The following TTC3 variants were observed in gnomAD, a reference collection of about 807,000 sequenced individuals.
TTC3 encodes the protein E3 ubiquitin-protein ligase TTC3.
In TTC3, 180 loss-of-function variants were observed where a neutral mutation model predicts 249.6. That is an observed-to-expected ratio of 0.72 (90% confidence interval 0.64 to 0.82). TTC3 has a LOEUF of 0.82. Among genes scored for constraint, TTC3 ranks in the 40% least tolerant of loss-of-function variants. The pLI, the probability that TTC3 is intolerant of heterozygous loss-of-function variation, is 0.00. For synonymous variants in TTC3, 717 were observed against 805.0 expected, an observed-to-expected ratio of 0.89 and a Z score of 1.85; for missense variants, 2,061 against 2,398.4, an observed-to-expected ratio of 0.86 and a Z score of 2.94.
In TTC3 at chr21:37,156,967, A is replaced by G. The variant is rs1341654734; in HGVS notation, c.2992+61A>G. Reference sequence around the variant, plus strand: ...ATCTTAAGGGGGAAAAAATCTGTGAAGGACCTAGCTTGTTTAAATATATAA... The same window carrying G: ...ATCTTAAGGGGGAAAAAATCTGTGAGGGACCTAGCTTGTTTAAATATATAA... On this transcript the variant is annotated intron_variant, in intron 28 of 45. Coordinates refer to ENST00000355666, the Ensembl canonical transcript of TTC3. 3 of 1,557,528 alleles carry G rather than the reference A, an allele frequency of 1.9e-6. No individual in the cohort carries two copies. In the African/African-American group the frequency reaches 4.1e-5, roughly 21 times the overall value.
chr21:37,175,111 A>AT (rs1383099167), intron 35 of TTC3, among the ~76,000 whole-genome samples: 10 of 149,824 alleles, frequency 6.7e-5, no homozygotes, highest in African/African-American at 2.5e-4. Flanking sequence ...AAAAAAAAAA[A>AT]AAATTAGCCA....
At chr21:37,182,868 A>C (rs986586393) in exon 36 of TTC3, 3 of 1,591,706 alleles carry the variant, frequency 1.9e-6, no homozygotes, top group African/African-American at 1.4e-5. Flanking sequence ...GAAAGACTAA[A>C]ATCACTGAAG....
rs886629089 is a variant in TTC3, at chr21:37,159,801, T to C, written c.3039+56T>C. 1.0e-5 allele frequency: 16 copies of C among 1,551,396 alleles called. No homozygotes were observed. In the African/African-American group the frequency reaches 1.6e-4, roughly 16 times the overall value. ...TTCTAATCTGATGTTAAACCAAGGA[T>C]GAGAAGGGGACCCAGGCCAGTGTTT... On this transcript the variant is annotated intron_variant, in intron 29 of 45. Coordinates refer to ENST00000355666, the Ensembl canonical transcript of TTC3.
intron 8 of TTC3, 78 bp downstream of exon 8, chr21:37,094,168 T>C: frequency 1.4e-6 from 1 of 714,964 alleles, no homozygotes; most frequent in South Asian, 2.6e-5. Flanking sequence ...TTAATAAAAC[T>C]GCTGACAATA....
chr21:37,159,609 T>C, intron 28 of TTC3, 90 bp from the exon 29 acceptor site: 1 of 1,377,302 alleles, frequency 7.3e-7, no homozygotes, highest in South Asian at 1.3e-5. Context: ...CCTATGCCAG[T>C]AGTATGAGGA....
At chr21:37,145,511 C>G (rs2078907275) in intron 21 of TTC3, among the ~76,000 whole-genome samples, 1 of 152,188 alleles carries the variant, frequency 6.6e-6, no homozygotes, top group Non-Finnish European at 1.5e-5. Flanking sequence ...TGGGAACATT[C>G]AGACACTGCT....
intron 12 of TTC3, 38 bp downstream of exon 12, chr21:37,122,017 TC>T: frequency 6.4e-7 from 1 of 1,558,428 alleles, no homozygotes; most frequent in Non-Finnish European, 8.7e-7. Flanking sequence ...CAGTCTTAAT[TC>T]CCTTTCAAAC....
At chr21:37,138,178 G>A (rs1010691936) in intron 18 of TTC3, among the ~76,000 whole-genome samples, 6 of 152,032 alleles carry the variant, frequency 3.9e-5, no homozygotes, top group Non-Finnish European at 4.4e-5. Context: ...CTACAGTATC[G>A]CTAAAACATA....
In TTC3 at chr21:37,085,266, T is replaced by A. The variant is rs376000955; in HGVS notation, c.-11-1981T>A. Among the ~76,000 whole-genome samples, 16 of 152,334 alleles carry A rather than the reference T, an allele frequency of 1.1e-4. No individual in the cohort carries two copies. The East Asian group carries it at 1.9e-3, about 18-fold the overall frequency. ...ATACCTCATATTATGTGCTATAGTT[T>A]GGGTGCTCCAGTATCTTATGTTTTC... On this transcript the variant is annotated intron_variant, in intron 1 of 45. Coordinates refer to ENST00000355666, the Ensembl canonical transcript of TTC3.
intron 5 of TTC3, among the ~76,000 whole-genome samples, chr21:37,089,506 T>G (rs1179081918): frequency 6.6e-6 from 1 of 151,678 alleles, no homozygotes; most frequent in African/African-American, 2.4e-5. Context: ...TTAAGTGCAA[T>G]GAACTTTATT....
At chr21:37,187,279 C>A (rs1023762340) in intron 38 of TTC3, 134 bp downstream of exon 38, 1 of 643,872 alleles carries the variant, frequency 1.6e-6, no homozygotes, top group Non-Finnish European at 2.6e-6. Context: ...CATAATATAT[C>A]CTCCCTAAAA....
chr21:37,075,166 CTT>C (rs11418024), intron 1 of TTC3, among the ~76,000 whole-genome samples: 6 of 138,282 alleles, frequency 4.3e-5, no homozygotes, highest in African/African-American at 1.1e-4. Flanking sequence ...TTGCAACTTG[CTT>C]TTTTTTTTTT....
chr21:37,152,145 A>G (rs1307092255), intron 26 of TTC3, 116 bp downstream of exon 26: 6 of 1,206,036 alleles, frequency 5.0e-6, no homozygotes, highest in Non-Finnish European at 6.7e-6. Context: ...GATTTCACTT[A>G]GTAATTTAAT....
At chr21:37,138,744 T>C in intron 19 of TTC3, 30 bp downstream of exon 19, 1 of 1,457,890 alleles carries the variant, frequency 6.9e-7, no homozygotes, top group Non-Finnish European at 9.5e-7. Context: ...TAATAAACAA[T>C]TAAAATGATA....
chr21:37,195,765 C>T (rs2084830170), exon 42 of TTC3: 1 of 1,614,226 alleles, frequency 6.2e-7, no homozygotes, highest in South Asian at 1.1e-5. Context: ...CCACGCAGCA[C>T]TTCACAGGGA....
At chr21:37,125,829 G>C (rs2076999146) in intron 14 of TTC3, among the ~76,000 whole-genome samples, 1 of 151,996 alleles carries the variant, frequency 6.6e-6, no homozygotes, top group Non-Finnish European at 1.5e-5. Context: ...CAATTGTCAT[G>C]TCAGACATCG....
intron 32 of TTC3, among the ~76,000 whole-genome samples, chr21:37,164,803 C>T (rs1466263140): frequency 1.3e-5 from 2 of 152,070 alleles, no homozygotes; most frequent in Non-Finnish European, 2.9e-5. Context: ...GTGCATGAGG[C>T]CTTCCTTTTA....
At chr21:37,132,845 T>C in intron 17 of TTC3, 79 bp downstream of exon 17, 1 of 1,066,684 alleles carries the variant, frequency 9.4e-7, no homozygotes, top group Non-Finnish European at 1.3e-6. Flanking sequence ...GTTCTAATCA[T>C]GTACATCTCT....
chr21:37,124,488 C>A, intron 13 of TTC3, 131 bp from the exon 14 acceptor site: 2 of 929,806 alleles, frequency 2.2e-6, no homozygotes, highest in South Asian at 1.6e-5. Flanking sequence ...AGCCCCATCT[C>A]ACAGGTAGGA....
Sources: allele counts gnomAD v4.1 joint callset (sites outside exome capture counted in the v4.1 genomes callset), GRCh38; gene constraint gnomAD v4.1.1; transcripts MANE v1.5; gene names NCBI Gene and HGNC (gene_info 2026-07-23, HGNC 2026-07-21).